Variants in MARCHF3 observed in about 807,000 individuals in gnomAD.
The protein encoded by MARCHF3 is membrane associated ring-CH-type finger 3.
A neutral mutation model predicts 24.2 loss-of-function variants in MARCHF3; 13 were observed. The ratio of observed to expected loss-of-function variants is 0.54; its 90% CI spans 0.35 to 0.85. The LOEUF is 0.85. Among genes scored for constraint, MARCHF3 ranks in the 40% least tolerant of loss-of-function variants. MARCHF3 has a pLI of 0.01. For missense variants in MARCHF3, 276 were observed against 325.0 expected (o/e 0.85, Z 1.16); for synonymous variants, 144 against 137.3 (o/e 1.05, Z -0.34).
At chr5:126,953,161 C>A (rs2126817001) in intron 1 of MARCHF3, among the ~76,000 whole-genome samples, 1 of 152,206 alleles carries the variant, frequency 6.6e-6, no homozygotes, top group Middle Eastern at 3.4e-3. Context: ...TTTTTCCAGG[C>A]AGTTCTAATT....
intron 1 of MARCHF3, among the ~76,000 whole-genome samples, chr5:126,965,642 C>T (rs1750782044): frequency 6.6e-6 from 1 of 151,964 alleles, no homozygotes; most frequent in Admixed American, 6.6e-5. Flanking sequence ...TACCTAAGTA[C>T]AAGGTGAAGT....
rs1175746725 is a variant in MARCHF3, at chr5:126,917,971, A to AT, written c.188+12dup. 2 of 1,609,314 alleles carry AT rather than the reference A, an allele frequency of 1.2e-6. No individual in the cohort carries two copies. The highest frequency in any genetic ancestry group is 1.7e-5 in the Admixed American group (1 of 59,312). Reference sequence around the variant, plus strand: ...ATCAATTACAGATTCATTTATTTTAATTGTGGTACTACCTCTGGGTGGCAA... The same window carrying AT: ...ATCAATTACAGATTCATTTATTTTAATTTGTGGTACTACCTCTGGGTGGCAA... On this transcript the variant is annotated intron_variant, in intron 2 of 4. Transcript: ENST00000308660.
intron 3 of MARCHF3, among the ~76,000 whole-genome samples, chr5:126,896,783 C>A (rs1468201339): frequency 6.6e-6 from 1 of 151,980 alleles, no homozygotes; most frequent in African/African-American, 2.4e-5. Context: ...TTAGAAAAAT[C>A]TCTGTTTTAT....
At chr5:127,018,389 T>TA (rs1415787240) in intron 1 of MARCHF3, among the ~76,000 whole-genome samples, 3 of 149,738 alleles carry the variant, frequency 2.0e-5, no homozygotes, top group African/African-American at 7.3e-5. Context: ...AATAAACAAA[T>TA]AAATAAAATA....
chr5:126,916,494 AAAAGG>A (rs1054798022), intron 2 of MARCHF3, among the ~76,000 whole-genome samples: 1 of 152,132 alleles, frequency 6.6e-6, no homozygotes, highest in African/African-American at 2.4e-5. Context: ...AGGAGATCAA[AAAAGG>A]AAAGGATCTC....
At chr5:126,974,224 C>A (rs937170580) in intron 1 of MARCHF3, among the ~76,000 whole-genome samples, 15 of 152,256 alleles carry the variant, frequency 9.9e-5, no homozygotes, top group African/African-American at 3.6e-4. Flanking sequence ...AAGTGAGGTG[C>A]CCAGAATGAA....
At chr5:126,979,328 G>A (rs893214678) in intron 1 of MARCHF3, among the ~76,000 whole-genome samples, 1 of 152,184 alleles carries the variant, frequency 6.6e-6, no homozygotes, top group Admixed American at 6.5e-5. Flanking sequence ...AATAATAAGA[G>A]CTCACAATAA....
At chr5:126,925,978 T>C (rs1357219807) in intron 1 of MARCHF3, among the ~76,000 whole-genome samples, 1 of 152,216 alleles carries the variant, frequency 6.6e-6, no homozygotes, top group Non-Finnish European at 1.5e-5. Context: ...TCAGTCACAA[T>C]GAAAGCTAAA....
At chr5:127,006,638 C>T (rs1752320415) in intron 1 of MARCHF3, among the ~76,000 whole-genome samples, 1 of 152,084 alleles carries the variant, frequency 6.6e-6, no homozygotes, top group African/African-American at 2.4e-5. Flanking sequence ...GAAACACTTT[C>T]CTTTTCATAA....
intron 1 of MARCHF3, among the ~76,000 whole-genome samples, chr5:126,946,782 G>GTGTGTGTGTGTGTGTGTGTGTA (rs1561441078): frequency 6.6e-6 from 1 of 151,126 alleles, no homozygotes; most frequent in East Asian, 1.9e-4. Context: ...GTGTGTGTGT[G>GTGTGTGTGTGTGTGTGTGTGTA]TGTGTGTGTG....
At chr5:127,004,199 T>C (rs1752230447) in intron 1 of MARCHF3, among the ~76,000 whole-genome samples, 1 of 152,192 alleles carries the variant, frequency 6.6e-6, no homozygotes, top group Admixed American at 6.5e-5. Flanking sequence ...TCCACCTTGT[T>C]TTTATTATCT....
At position 126,870,609 on chromosome 5, in the gene MARCHF3, A is replaced by ACC. The variant is rs1343412456; in HGVS notation, c.*23_*24insGG. 4 of 1,513,784 alleles carry ACC rather than the reference A, an allele frequency of 2.6e-6. No individual in the cohort carries two copies. In the African/African-American group the frequency reaches 6.8e-5, roughly 26 times the overall value. The allele number at this position is 1,513,784 out of a possible 1,614,324, so 93.8% of individuals were successfully genotyped here. A position where few individuals can be genotyped will look rare whatever the true frequency, so the allele number is the denominator to read the frequency against. ...CTTCCAAACCCCAAACAATGAATCA[A>ACC]ACAACCAACCAACCATACAAACATC... On this transcript the variant is annotated 3_prime_UTR_variant, in exon 5 of 5. Transcript: ENST00000308660.
intron 1 of MARCHF3, among the ~76,000 whole-genome samples, chr5:126,979,687 G>A (rs57081850): frequency 0.02 from 3,097 of 152,094 alleles, 75 homozygotes; most frequent in South Asian, 0.11. Flanking sequence ...AGTGGCTCAC[G>A]CCTGTAATCC....
At chr5:126,992,327 T>C (rs1414986136) in intron 1 of MARCHF3, among the ~76,000 whole-genome samples, 1 of 152,192 alleles carries the variant, frequency 6.6e-6, no homozygotes, top group Non-Finnish European at 1.5e-5. Context: ...ACCTCCCTAA[T>C]GATGCTGCAA....
At chr5:127,001,133 G>C (rs552343816) in intron 1 of MARCHF3, among the ~76,000 whole-genome samples, 1 of 151,992 alleles carries the variant, frequency 6.6e-6, no homozygotes, top group Non-Finnish European at 1.5e-5. Context: ...AGCTACTCGG[G>C]AGGCTGAGGC....
chr5:126,870,844 G>A, intron 4 of MARCHF3, 53 bp from the exon 5 acceptor site: 1 of 1,603,154 alleles, frequency 6.2e-7, no homozygotes, highest in Non-Finnish European at 8.5e-7. Context: ...AGCAGAAGTG[G>A]ATAATCAATA....
Position 126,875,828 on chromosome 5 carries a change from C to T in MARCHF3, c.603+2357G>A, listed in dbSNP as rs191263401. ...TTGCATGTATGTTCTCAGACGTTAT[C>T]TCACTTACTCTTTGCAATAACCGAT... On this transcript the variant is annotated intron_variant, in intron 4 of 4. Coordinates refer to ENST00000308660, the MANE Select transcript of MARCHF3 (RefSeq NM_178450.5). Among the ~76,000 whole-genome samples the T allele has an allele frequency of 5.3e-5, 8 of 152,350 alleles. No homozygotes were observed. In the East Asian group the frequency reaches 1.5e-3, roughly 29 times the overall value.
intron 1 of MARCHF3, among the ~76,000 whole-genome samples, chr5:126,961,975 A>G (rs1291962421): frequency 6.6e-6 from 1 of 152,220 alleles, no homozygotes; most frequent in Non-Finnish European, 1.5e-5. Flanking sequence ...CAAGCTTGAG[A>G]GTGATAATGC....
intron 1 of MARCHF3, among the ~76,000 whole-genome samples, chr5:126,921,642 C>A (rs1221723359): frequency 6.6e-6 from 1 of 152,232 alleles, no homozygotes; most frequent in Non-Finnish European, 1.5e-5. Context: ...TGACTGCTTT[C>A]TTATCAATGC....
Sources: allele counts gnomAD v4.1 joint callset (sites outside exome capture counted in the v4.1 genomes callset), GRCh38; gene constraint gnomAD v4.1.1; transcripts MANE v1.5; gene names NCBI Gene and HGNC (gene_info 2026-07-23, HGNC 2026-07-21).